Variants in MON2 observed in about 807,000 individuals in gnomAD.
MON2 encodes MON2 regulator of endosome-to-Golgi trafficking.
In MON2, 84 loss-of-function variants were observed where a neutral mutation model predicts 208.6. That is an observed-to-expected ratio of 0.40 (90% CI 0.34 to 0.48). MON2 has a LOEUF of 0.48. Among genes scored for constraint, MON2 ranks in the 20% least tolerant of loss-of-function variants. MON2 has a pLI of 0.59. For missense variants in MON2, 1,611 were observed against 2,015.4 expected (o/e 0.80, Z 3.84); for synonymous variants, 660 against 694.0 (o/e 0.95, Z 0.77).
At chr12:62,560,257 A>G (rs759647798) in intron 25 of MON2, 2 of 401,250 alleles carry the variant, frequency 5.0e-6, no homozygotes, top group South Asian at 4.1e-5. Flanking sequence ...TGATATATCC[A>G]TCATCCTCCT....
chr12:62,499,125 C>G (rs4025987), intron 5 of MON2, 77 bp downstream of exon 5: 963,376 of 1,490,120 alleles, frequency 0.65, 312,115 homozygotes, highest in African/African-American at 0.77. Context: ...GGCCTTTGCT[C>G]AGATGATCAA....
chr12:62,571,475 T>G lies in MON2; in HGVS notation c.4407T>G (p.Val1469=). The G allele has an allele frequency of 5.0e-6, 8 of 1,613,914 alleles. No individual in the cohort carries two copies. The highest frequency in any genetic ancestry group is 6.8e-6 in the Non-Finnish European group (8 of 1,179,786). Residue 1469 remains valine (V), a synonymous_variant, in exon 30 of 35, where the codon GTT becomes GTG. Transcript: ENST00000393630. ...WKLAVSSLLR[V]LSIGLPVARQ... ...TAGCAGTATCCTCTCTCCTCAGAGT[T>G]CTTTCTATTGGGCTACCTGTTGCCC...
At chr12:62,489,696 C>T (rs541791205) in intron 2 of MON2, among the ~76,000 whole-genome samples, 1 of 151,994 alleles carries the variant, frequency 6.6e-6, no homozygotes, top group African/African-American at 2.4e-5. Flanking sequence ...ACCAATTGAA[C>T]CAACATCATT....
At chr12:62,488,678 A>G (rs763436260) in intron 2 of MON2, among the ~76,000 whole-genome samples, 3 of 152,164 alleles carry the variant, frequency 2.0e-5, no homozygotes, top group Non-Finnish European at 4.4e-5. Flanking sequence ...GGGGCTGTAA[A>G]TAATACCATT....
At chr12:62,477,654 G>C (rs372234318) in intron 1 of MON2, among the ~76,000 whole-genome samples, 1 of 150,114 alleles carries the variant, frequency 6.7e-6, no homozygotes, top group African/African-American at 2.5e-5. Flanking sequence ...AGGCTCAAGC[G>C]ATCCTCTCGC....
Position 62,560,650 on chromosome 12 carries a change from T to C in MON2, c.3569T>C (p.Val1190Ala). 6.2e-7 allele frequency: 1 copy of C among 1,614,102 alleles called. No individual in the cohort carries two copies. The highest frequency in any genetic ancestry group is 1.1e-5 in the South Asian group (1 of 91,076). ...TCAGATAAGCCTGAGACACCACCTGTAGTTAATGTACCTGTGCCTGTTCTT... is the reference window on the plus strand; with the variant it reads ...TCAGATAAGCCTGAGACACCACCTGCAGTTAATGTACCTGTGCCTGTTCTT... ...RDSDKPETPP[V>A]VNVPVPVLIG... Residue 1190 changes from valine to alanine, a missense_variant, in exon 26 of 35, where the codon GTA becomes GCA. Transcript: ENST00000393630.
At chr12:62,559,128 G>A (rs1046214986) in intron 25 of MON2, among the ~76,000 whole-genome samples, 2 of 152,044 alleles carry the variant, frequency 1.3e-5, no homozygotes, top group South Asian at 2.1e-4. Context: ...TCTATTAACC[G>A]ACTGCTTTCC....
At chr12:62,523,051 C>T in intron 8 of MON2, among the ~76,000 whole-genome samples, 1 of 152,112 alleles carries the variant, frequency 6.6e-6, no homozygotes, top group East Asian at 1.9e-4. Context: ...AGCTGATGAA[C>T]CTTAAATTCA....
rs576168573 is a variant in MON2, at chr12:62,493,043, A to C, written c.176-872A>C. Among the ~76,000 whole-genome samples the C allele has an allele frequency of 2.0e-4, 24 of 119,932 alleles. No individual in the cohort carries two copies. In the South Asian group the frequency reaches 5.6e-3, roughly 28 times the overall value. 78.7% of individuals were successfully genotyped at this position (119,932 alleles called of 152,430 possible). On this transcript the variant is annotated intron_variant, in intron 2 of 34. Transcript: ENST00000393630. ...CACACACACACATACACACATACAC[A>C]CACACAAACACACAAAACAAATAAT... is the stretch of plus-strand genomic sequence containing the variant.
chr12:62,592,823 G>A lies in MON2; in HGVS notation c.*74G>A. ...CTCCTAATTGAGTCTTCTGTGAGAA[G>A]GACATTTCTTACTGCAGATAATTCT... is the stretch of plus-strand genomic sequence containing the variant. On this transcript the variant is annotated 3_prime_UTR_variant, in exon 35 of 35. Coordinates refer to ENST00000393630, the MANE Select transcript of MON2 (RefSeq NM_015026.3). 3.0e-5 allele frequency: 42 copies of A among 1,394,442 alleles called. No homozygotes were observed. Among genetic ancestry groups the A allele is most frequent in the Non-Finnish European group, 4.0e-5 (41 of 1,033,210 alleles). 86.4% of individuals were successfully genotyped at this position (1,394,442 alleles called of 1,614,324 possible). A position where few individuals can be genotyped will look rare whatever the true frequency, so the allele number is the denominator to read the frequency against.
chr12:62,585,125 CAAAAAA>C lies in MON2; in HGVS notation c.4700-164_4700-159del, dbSNP rs750233421. On this transcript the variant is annotated intron_variant, in intron 32 of 34. Transcript: ENST00000393630. ...CACACACACACAAAACAAAAAAAAACAAAAAAAAAACACATTTTCACTATATGTATG... is the reference window on the plus strand; with the variant it reads ...CACACACACACAAAACAAAAAAAAACAAAACACATTTTCACTATATGTATG... Among the ~76,000 whole-genome samples, 167 of 64,312 alleles carry C rather than the reference CAAAAAA, an allele frequency of 2.6e-3. 5 individuals are homozygous for C. The highest frequency in any genetic ancestry group is 0.02 in the Admixed American group (135 of 6,896). The allele number at this position is 64,312 out of a possible 152,430, so 42.2% of individuals were successfully genotyped here.
In MON2 at chr12:62,594,732, C is replaced by A. The variant is rs2075486910; in HGVS notation, c.*1983C>A. The A allele has an allele frequency of 6.6e-6, 1 of 152,142 alleles. No individual in the cohort carries two copies. The highest frequency in any genetic ancestry group is 2.4e-5 in the African/African-American group (1 of 41,428). The allele number at this position is 152,142 out of a possible 1,614,324, so 9.4% of individuals were successfully genotyped here. On this transcript the variant is annotated 3_prime_UTR_variant, in exon 35 of 35. Coordinates refer to ENST00000393630, the MANE Select transcript of MON2 (RefSeq NM_015026.3). ...TGTATGCAATATACATTTATATGAA[C>A]CAAAGCTTGCTTTATCAGGACCATG...
chr12:62,532,342 T>G (rs1034854350), intron 11 of MON2, 96 bp from the exon 12 acceptor site: 39 of 904,614 alleles, frequency 4.3e-5, no homozygotes, highest in Admixed American at 1.5e-4. Flanking sequence ...ATTCTGTTAA[T>G]CTTAATTTCT....
intron 2 of MON2, among the ~76,000 whole-genome samples, chr12:62,484,593 TTC>T (rs1184990885): frequency 6.6e-6 from 1 of 152,234 alleles, no homozygotes; most frequent in African/African-American, 2.4e-5. Context: ...GAAAGATTTG[TTC>T]TCAGTCCACC....
intron 29 of MON2, among the ~76,000 whole-genome samples, chr12:62,566,667 A>G (rs527709035): frequency 1.7e-4 from 26 of 149,350 alleles, no homozygotes; most frequent in Non-Finnish European, 3.3e-4. Context: ...AATATGCATT[A>G]AATTTGTTAC....
At chr12:62,474,578 C>A (rs2068967313) in intron 1 of MON2, among the ~76,000 whole-genome samples, 1 of 151,902 alleles carries the variant, frequency 6.6e-6, no homozygotes, top group Admixed American at 6.6e-5. Context: ...ATGCCCATCA[C>A]CATGTCTGGC....
chr12:62,566,034 G>C lies in MON2; in HGVS notation c.4194+3G>C. 6.2e-7 allele frequency: 1 copy of C among 1,610,936 alleles called. No homozygotes were observed. Among genetic ancestry groups the C allele is most frequent in the Non-Finnish European group, 8.5e-7 (1 of 1,178,218 alleles). On this transcript the variant is annotated splice_donor_region_variant and intron_variant, in intron 28 of 34. Coordinates refer to ENST00000393630, the MANE Select transcript of MON2 (RefSeq NM_015026.3). ...AATAGATCCAACTATTTGCACCGGT[G>C]AGTTAAATTTCCTAAAATTGTCCTA...
chr12:62,494,957 T>C (rs931906301), intron 3 of MON2, 59 bp from the exon 4 acceptor site: 1 of 1,291,382 alleles, frequency 7.7e-7, no homozygotes, highest in Admixed American at 2.1e-5. Context: ...TTCTCTTATT[T>C]AGGGACATCA....
At chr12:62,587,616 C>CGGCA (rs2075259453) in intron 33 of MON2, among the ~76,000 whole-genome samples, 1 of 151,698 alleles carries the variant, frequency 6.6e-6, no homozygotes, top group Non-Finnish European at 1.5e-5. Context: ...TGTGGCATGC[C>CGGCA]CCTGTAGTCC....
Sources: gnomAD v4.1 joint callset for allele counts (sites outside exome capture counted in the v4.1 genomes callset) on GRCh38, gnomAD v4.1.1 for gene constraint, MANE v1.5 for transcripts, NCBI Gene and HGNC (gene_info 2026-07-23, HGNC 2026-07-21) for gene names.